The following PPP3R1 variants were observed in gnomAD, a reference collection of about 807,000 sequenced individuals.
PPP3R1 encodes calcineurin subunit B type 1.
A neutral mutation model predicts 22.6 loss-of-function variants in PPP3R1; 5 were observed. The observed-to-expected ratio is 0.22, with a 90% CI of 0.12 to 0.46. PPP3R1 has a LOEUF of 0.46. Ranked by LOEUF, PPP3R1 falls within the 20% of genes least tolerant of loss-of-function variation. The pLI, the probability that PPP3R1 is intolerant of heterozygous loss-of-function variation, is 0.99. For missense variants in PPP3R1, 61 were observed against 203.2 expected, an observed-to-expected ratio of 0.30 and a Z score of 4.25; for synonymous variants, 56 against 65.2, an observed-to-expected ratio of 0.86 and a Z score of 0.68.
At chr2:68,181,144 C>T in intron 5 of PPP3R1, 134 bp from the exon 6 acceptor site, 1 of 780,872 alleles carries the variant, frequency 1.3e-6, no homozygotes, top group Non-Finnish European at 2.1e-6. Flanking sequence ...AATCCCAGCA[C>T]TTTGGAAGGC....
intron 2 of PPP3R1, among the ~76,000 whole-genome samples, chr2:68,192,492 G>A (rs970028861): frequency 6.6e-6 from 1 of 151,986 alleles, no homozygotes; most frequent in Non-Finnish European, 1.5e-5. Flanking sequence ...TATTGAAGTG[G>A]GGACATTAAT....
chr2:68,246,643 C>G (rs936524108), intron 1 of PPP3R1, among the ~76,000 whole-genome samples: 22 of 152,278 alleles, frequency 1.4e-4, no homozygotes, highest in African/African-American at 5.1e-4. Flanking sequence ...TCCCTTCAAT[C>G]TGGCATCATG....
intron 1 of PPP3R1, among the ~76,000 whole-genome samples, chr2:68,218,658 G>A (rs924658847): frequency 1.3e-5 from 2 of 148,332 alleles, no homozygotes; most frequent in Non-Finnish European, 3.0e-5. Flanking sequence ...TTAAAGTTAA[G>A]TATGTTTCTT....
At chr2:68,233,105 TCA>T (rs1669951266) in intron 1 of PPP3R1, among the ~76,000 whole-genome samples, 1 of 152,232 alleles carries the variant, frequency 6.6e-6, no homozygotes, top group Admixed American at 6.5e-5. Flanking sequence ...AAATATTTCC[TCA>T]GTTACCACAC....
chr2:68,211,776 T>C (rs80348050), intron 2 of PPP3R1, among the ~76,000 whole-genome samples: 3,513 of 152,298 alleles, frequency 0.023, 136 homozygotes, highest in African/African-American at 0.079. Context: ...TCTTCACTAG[T>C]GGACTCCATA....
intron 1 of PPP3R1, among the ~76,000 whole-genome samples, chr2:68,248,716 C>G (rs1374514462): frequency 2.6e-5 from 4 of 152,190 alleles, no homozygotes; most frequent in African/African-American, 9.7e-5. Flanking sequence ...CTAGATGCCT[C>G]CAACTCTGCC....
At chr2:68,201,489 T>A (rs1674974701) in intron 2 of PPP3R1, among the ~76,000 whole-genome samples, 2 of 152,244 alleles carry the variant, frequency 1.3e-5, no homozygotes. Flanking sequence ...TACTTTCTTC[T>A]TGAAGACATT....
At chr2:68,239,518 T>C (rs1470081423) in intron 1 of PPP3R1, among the ~76,000 whole-genome samples, 1 of 152,174 alleles carries the variant, frequency 6.6e-6, no homozygotes, top group Non-Finnish European at 1.5e-5. Context: ...ATGAATGTGG[T>C]TTTGGTTACA....
At chr2:68,246,198 C>T (rs1455999422) in intron 1 of PPP3R1, among the ~76,000 whole-genome samples, 1 of 149,876 alleles carries the variant, frequency 6.7e-6, no homozygotes, top group African/African-American at 2.5e-5. Context: ...CCTCAGCCTC[C>T]TAAGTAGCTG....
chr2:68,207,038 C>A (rs1047305631), intron 2 of PPP3R1, among the ~76,000 whole-genome samples: 2 of 149,546 alleles, frequency 1.3e-5, no homozygotes, highest in African/African-American at 4.9e-5. Flanking sequence ...TTTCAACAAT[C>A]TTATAATATG....
At chr2:68,192,126 C>A (rs530841436) in intron 2 of PPP3R1, among the ~76,000 whole-genome samples, 8 of 152,262 alleles carry the variant, frequency 5.3e-5, no homozygotes, top group African/African-American at 1.9e-4. Flanking sequence ...TAACCAGGTA[C>A]CAATCAGCAA....
intron 1 of PPP3R1, among the ~76,000 whole-genome samples, chr2:68,230,241 C>A (rs890866115): frequency 1.3e-5 from 2 of 152,174 alleles, no homozygotes; most frequent in Admixed American, 6.5e-5. Context: ...AATCCACATG[C>A]CTCAACCTTC....
intron 2 of PPP3R1, among the ~76,000 whole-genome samples, chr2:68,202,688 G>T (rs1414076239): frequency 2.0e-5 from 3 of 151,626 alleles, no homozygotes; most frequent in Admixed American, 2.0e-4. Flanking sequence ...GTCTCCCAAA[G>T]TGCTGGGATT....
chr2:68,218,048 G>A (rs757842985), intron 1 of PPP3R1, among the ~76,000 whole-genome samples: 5 of 152,152 alleles, frequency 3.3e-5, no homozygotes, highest in Non-Finnish European at 7.4e-5. Flanking sequence ...CTTTAAAAAC[G>A]TCTACAGAAT....
At chr2:68,204,353 G>GAT (rs1491437318) in intron 2 of PPP3R1, among the ~76,000 whole-genome samples, 132 of 148,350 alleles carry the variant, frequency 8.9e-4, no homozygotes, top group South Asian at 7.4e-3. Flanking sequence ...TATATATTCT[G>GAT]ATATATATAT....
At position 68,226,928 on chromosome 2, in the gene PPP3R1, A is replaced by C. The variant is rs903557287; in HGVS notation, c.4-9797T>G. Among the ~76,000 whole-genome samples the C allele has an allele frequency of 3.3e-5, 5 of 152,174 alleles. No homozygotes were observed. In the South Asian group the frequency reaches 1.0e-3, roughly 32 times the overall value. ...TTTATAATGAGTATTAAGCATTTGG[A>C]TCTGCATACATTTTAAATAAGCAAA... On this transcript the variant is annotated intron_variant, in intron 1 of 5. Transcript: ENST00000234310.
intron 3 of PPP3R1, among the ~76,000 whole-genome samples, chr2:68,188,157 G>A (rs1034690270): frequency 3.3e-5 from 5 of 152,094 alleles, no homozygotes; most frequent in South Asian, 2.1e-4. Flanking sequence ...GCAAAAGAGC[G>A]AGACTCCATC....
chr2:68,234,791 C>A (rs183812884), intron 1 of PPP3R1, among the ~76,000 whole-genome samples: 2 of 152,216 alleles, frequency 1.3e-5, no homozygotes, highest in Admixed American at 1.3e-4. Context: ...CCCTCAAAAA[C>A]CAGAAAATGA....
intron 1 of PPP3R1, among the ~76,000 whole-genome samples, chr2:68,249,757 C>A (rs1041584407): frequency 6.6e-6 from 1 of 151,444 alleles, no homozygotes; most frequent in African/African-American, 2.4e-5. Flanking sequence ...ACGTTTAAGG[C>A]ACCAACTAAA....
Sources: allele counts gnomAD v4.1 joint callset (sites outside exome capture counted in the v4.1 genomes callset), GRCh38; gene constraint gnomAD v4.1.1; transcripts MANE v1.5; gene names NCBI Gene and HGNC (gene_info 2026-07-23, HGNC 2026-07-21).